The following TMEM204 variants were observed in gnomAD, a reference collection of about 807,000 sequenced individuals.
TMEM204 encodes the protein claudin-like protein 24.
Under a neutral mutation model 19.4 loss-of-function variants are expected in TMEM204, and 15 were observed. The ratio of observed to expected loss-of-function variants is 0.77; its 90% CI spans 0.52 to 1.19. The LOEUF (loss-of-function observed/expected upper bound fraction) is 1.19, where lower values mean the gene tolerates loss of function less well. Among genes scored for constraint, TMEM204 ranks in the 50% most tolerant of loss-of-function variants. TMEM204 has a pLI of 0.00. For missense variants in TMEM204, 287 were observed against 321.2 expected, an observed-to-expected ratio of 0.89 and a Z score of 0.81; for synonymous variants, 161 against 146.0, an observed-to-expected ratio of 1.10 and a Z score of -0.74.
intron 2 of TMEM204, among the ~76,000 whole-genome samples, chr16:1,550,024 C>T (rs796968280): frequency 7.9e-5 from 12 of 152,162 alleles, no homozygotes; most frequent in African/African-American, 2.6e-4. Context: ...GGTGCAATCA[C>T]GGCTTACTGC....
chr16:1,548,466 T>C (rs1331119989), intron 2 of TMEM204, among the ~76,000 whole-genome samples: 1 of 152,220 alleles, frequency 6.6e-6, no homozygotes, highest in Non-Finnish European at 1.5e-5. Flanking sequence ...GAAGAGGTTG[T>C]TTGCTTTGGC....
intron 1 of TMEM204, chr16:1,540,806 C>T (rs545639014): frequency 1.3e-5 from 13 of 983,936 alleles, no homozygotes; most frequent in Middle Eastern, 5.2e-4. Context: ...TTTTGGGAAT[C>T]GAATTTCCCA....
rs1388462982 is a variant in TMEM204, at chr16:1,551,702, G to T, written c.437-3080G>T. Among the ~76,000 whole-genome samples the T allele has an allele frequency of 6.6e-6, 1 of 152,168 alleles. No homozygotes were observed. The highest frequency in any genetic ancestry group is 2.1e-4 in the South Asian group (1 of 4,830). On this transcript the variant is annotated intron_variant, in intron 2 of 2. Coordinates refer to ENST00000566264, the MANE Select transcript of TMEM204 (RefSeq NM_024600.6). This position sits in a 1 kb window ranked among gnomAD's most constrained non-coding sequence, Gnocchi z 4.0. ...GTTCACGGAAGAGCCTAAGATCAGC[G>T]GCACTTCAGTCTTCTACGGGGTTTT... is the stretch of plus-strand genomic sequence containing the variant.
chr16:1,542,087 G>T lies in TMEM204; in HGVS notation c.436+11G>T. On this transcript the variant is annotated intron_variant, in intron 2 of 2. Coordinates refer to ENST00000566264, the MANE Select transcript of TMEM204 (RefSeq NM_024600.6). ...CATTCCAACTGGCGAGTAAGTACCT[G>T]GGCGGGTGTGGCCACCGCGCCCTTG... 3 of 1,589,706 alleles carry T rather than the reference G, an allele frequency of 1.9e-6. No homozygotes were observed. The highest frequency in any genetic ancestry group is 2.6e-6 in the Non-Finnish European group (3 of 1,169,360).
intron 1 of TMEM204, chr16:1,541,181 A>AGGCTGGGCACAGGCCTGCTGTGAGTGG: frequency 1.0e-6 from 1 of 985,390 alleles, no homozygotes; most frequent in African/African-American, 1.7e-5. Flanking sequence ...GGGACAGAGA[A>AGGCTGGGCACAGGCCTGCTGTGAGTGG]GGCTGGGCAC....
At chr16:1,540,366 A>C (rs543817392) in intron 1 of TMEM204, among the ~76,000 whole-genome samples, 1 of 152,322 alleles carries the variant, frequency 6.6e-6, no homozygotes, top group African/African-American at 2.4e-5. Context: ...TCACGAAGTA[A>C]AGCAGCCCGC....
At chr16:1,543,605 C>T (rs8049972) in intron 2 of TMEM204, among the ~76,000 whole-genome samples, 9,693 of 152,284 alleles carry the variant, frequency 0.064, 541 homozygotes, top group Admixed American at 0.18. Flanking sequence ...TCTGCATGCC[C>T]AACTTCGAAA....
At chr16:1,538,088 T>C (rs13337575) in intron 1 of TMEM204, among the ~76,000 whole-genome samples, 2,032 of 152,152 alleles carry the variant, frequency 0.013, 40 homozygotes, top group African/African-American at 0.046. Context: ...ACCCAAGCAG[T>C]GAACGCCAGC....
intron 2 of TMEM204, 70 bp from the exon 3 acceptor site, chr16:1,554,712 G>C: frequency 6.3e-7 from 1 of 1,584,804 alleles, no homozygotes; most frequent in South Asian, 1.2e-5. Flanking sequence ...CTCTAGGACA[G>C]AGGGCTGGGG....
chr16:1,553,062 A>G lies in TMEM204; in HGVS notation c.437-1720A>G. The G allele has an allele frequency of 1.0e-6, 1 of 985,462 alleles. No individual in the cohort carries two copies. The highest frequency in any genetic ancestry group is 1.2e-6 in the Non-Finnish European group (1 of 829,938). 61.0% of individuals were successfully genotyped at this position (985,462 alleles called of 1,614,324 possible). A position where few individuals can be genotyped will look rare whatever the true frequency, so the allele number is the denominator to read the frequency against. Reference sequence around the variant, plus strand: ...CAGAAACCAGTCACTGTCATTGTTCAGGACAAAATGGAGATAGATAAATGC... The same window carrying G: ...CAGAAACCAGTCACTGTCATTGTTCGGGACAAAATGGAGATAGATAAATGC... On this transcript the variant is annotated intron_variant, in intron 2 of 2. Coordinates refer to ENST00000566264, the MANE Select transcript of TMEM204 (RefSeq NM_024600.6). This position sits in a 1 kb window ranked among gnomAD's most constrained non-coding sequence, Gnocchi z 4.4.
intron 1 of TMEM204, among the ~76,000 whole-genome samples, chr16:1,538,363 G>A (rs2031290861): frequency 1.3e-5 from 2 of 152,348 alleles, no homozygotes; most frequent in South Asian, 4.1e-4. Context: ...GGACAGGTCA[G>A]GGGTGCGTCT....
At chr16:1,530,085 A>G (rs926728991), upstream of TMEM204, among the ~76,000 whole-genome samples, 7 of 150,332 alleles carry the variant, frequency 4.7e-5, no homozygotes, top group African/African-American at 1.7e-4. Flanking sequence ...GTTGTAAGAC[A>G]TGCAGTCTTT....
In TMEM204 at chr16:1,553,289, T is replaced by A; in HGVS notation, c.437-1493T>A. 3.1e-6 allele frequency: 3 copies of A among 982,942 alleles called. No individual in the cohort carries two copies. Among genetic ancestry groups the A allele is most frequent in the Non-Finnish European group, 3.6e-6 (3 of 827,680 alleles). The allele number at this position is 982,942 out of a possible 1,614,324, so 60.9% of individuals were successfully genotyped here. ...CTTGGTCTCTGTCTCTCTGTGTCTC[T>A]GCCTGTCTCTCTGTGTCTCTGTCTC... is the stretch of plus-strand genomic sequence containing the variant. On this transcript the variant is annotated intron_variant, in intron 2 of 2. Transcript: ENST00000566264. This position sits in a 1 kb window ranked among gnomAD's most constrained non-coding sequence, Gnocchi z 4.4.
chr16:1,554,739 C>T, intron 2 of TMEM204, 43 bp from the exon 3 acceptor site: 1 of 1,605,802 alleles, frequency 6.2e-7, no homozygotes. Context: ...TGGAACCCGC[C>T]TTCCTCTCAG....
At chr16:1,539,718 C>T (rs910076399) in intron 1 of TMEM204, among the ~76,000 whole-genome samples, 3 of 152,228 alleles carry the variant, frequency 2.0e-5, no homozygotes, top group Non-Finnish European at 2.9e-5. Flanking sequence ...GAAAAATGAG[C>T]GAGGGGCAGC....
intron 1 of TMEM204, among the ~76,000 whole-genome samples, chr16:1,535,212 G>A (rs1395194994): frequency 6.6e-6 from 1 of 152,166 alleles, no homozygotes; most frequent in African/African-American, 2.4e-5. Flanking sequence ...ACGCTGGAAA[G>A]GAGACAGGGA....
Position 1,553,178 on chromosome 16 carries a change from C to G in TMEM204, c.437-1604C>G, listed in dbSNP as rs2032811713. ...CAAGGCTGGTTACCCATCTCTTGCT[C>G]TCTGTCTCTCCTTCCCTGTGTCTCT... On this transcript the variant is annotated intron_variant, in intron 2 of 2. Coordinates refer to ENST00000566264, the MANE Select transcript of TMEM204 (RefSeq NM_024600.6). This position sits in a 1 kb window ranked among gnomAD's most constrained non-coding sequence, Gnocchi z 4.4. 1 of 985,146 alleles carries G rather than the reference C, an allele frequency of 1.0e-6. No homozygotes were observed. The highest frequency in any genetic ancestry group is 1.7e-5 in the African/African-American group (1 of 57,216). 61.0% of individuals were successfully genotyped at this position (985,146 alleles called of 1,614,324 possible). A position where few individuals can be genotyped will look rare whatever the true frequency, so the allele number is the denominator to read the frequency against.
chr16:1,530,133 C>CTTTTTTTTTTTTTTTTT (rs922819138), upstream of TMEM204, among the ~76,000 whole-genome samples: 248 of 88,588 alleles, frequency 2.8e-3, 18 homozygotes, highest in African/African-American at 6.0e-3. Flanking sequence ...CGACGGGAAT[C>CTTTTTTTTTTTTTTTTT]TTTTTTTTTT....
intron 1 of TMEM204, among the ~76,000 whole-genome samples, chr16:1,534,998 A>C (rs2030921018): frequency 6.6e-6 from 1 of 152,126 alleles, no homozygotes; most frequent in Non-Finnish European, 1.5e-5. Context: ...TGAGGCCAAG[A>C]GTTCAAGACG....
Sources: gnomAD v4.1 joint callset for allele counts (sites outside exome capture counted in the v4.1 genomes callset) on GRCh38, gnomAD v4.1.1 for gene constraint, Gnocchi (gnomAD v3.1) non-coding constraint, MANE v1.5 for transcripts, NCBI Gene and HGNC (gene_info 2026-07-23, HGNC 2026-07-21) for gene names.